The following NKAIN3 variants were observed in gnomAD, a reference collection of about 807,000 sequenced individuals.
NKAIN3 encodes sodium/potassium transporting ATPase interacting 3, also known as sodium/potassium-transporting ATPase subunit beta-1-interacting protein 3.
In NKAIN3, 25 loss-of-function variants were observed where a neutral mutation model predicts 30.2. The observed-to-expected ratio is 0.83, with a 90% CI of 0.60 to 1.16. The LOEUF (loss-of-function observed/expected upper bound fraction) is 1.16. NKAIN3 is among the 50% of genes most tolerant of loss of function. The pLI, the probability that NKAIN3 is intolerant of heterozygous loss-of-function variation, is 0.00. For missense variants in NKAIN3, 225 were observed against 254.1 expected, an observed-to-expected ratio of 0.89 and a Z score of 0.78; for synonymous variants, 91 against 89.6, an observed-to-expected ratio of 1.02 and a Z score of -0.09.
At chr8:62,602,987 G>A (rs1312174534) in intron 3 of NKAIN3, among the ~76,000 whole-genome samples, 2 of 152,144 alleles carry the variant, frequency 1.3e-5, no homozygotes, top group African/African-American at 4.8e-5. Context: ...TTTTGGTGCT[G>A]TGAAGAAACC....
At chr8:62,571,361 G>A (rs931336266) in intron 1 of NKAIN3, among the ~76,000 whole-genome samples, 2 of 151,822 alleles carry the variant, frequency 1.3e-5, no homozygotes, top group African/African-American at 4.8e-5. Flanking sequence ...GAGGTTGGTT[G>A]CCGTGGTCTT....
chr8:62,919,439 G>A (rs1270424453), intron 5 of NKAIN3, among the ~76,000 whole-genome samples: 1 of 151,234 alleles, frequency 6.6e-6, no homozygotes, highest in Admixed American at 6.6e-5. Context: ...TAGAGAAGGG[G>A]TTTCACCGTG....
At position 62,981,430 on chromosome 8, in the gene NKAIN3, C is replaced by T. The variant is rs556368410; in HGVS notation, c.*16023C>T. ...CTCAAAGAAAATTTGGGTGTTAACA[C>T]TTTGAAATACCTTTACCTCCTTTGG... On this transcript the variant is annotated 3_prime_UTR_variant, in exon 7 of 7. Coordinates refer to ENST00000623646, the MANE Select transcript of NKAIN3 (RefSeq NM_001304533.3). 1 of 152,210 alleles carries T rather than the reference C, an allele frequency of 6.6e-6. No homozygotes were observed. Among genetic ancestry groups the T allele is most frequent in the African/African-American group, 2.4e-5 (1 of 41,548 alleles). 9.4% of individuals were successfully genotyped at this position (152,210 alleles called of 1,614,324 possible).
intron 5 of NKAIN3, among the ~76,000 whole-genome samples, chr8:62,993,953 G>C (rs138721458): frequency 6.6e-6 from 1 of 152,106 alleles, no homozygotes; most frequent in Non-Finnish European, 1.5e-5. Flanking sequence ...CTAACTTCAG[G>C]TCACTGGTTT....
At chr8:62,410,041 C>T (rs1235986002) in intron 1 of NKAIN3, among the ~76,000 whole-genome samples, 11 of 152,058 alleles carry the variant, frequency 7.2e-5, no homozygotes, top group African/African-American at 2.7e-4. Flanking sequence ...TACATGGGTA[C>T]ATTGCACTCA....
intron 1 of NKAIN3, among the ~76,000 whole-genome samples, chr8:62,391,181 CA>C (rs1277452609): frequency 1.3e-5 from 2 of 152,130 alleles, no homozygotes; most frequent in Non-Finnish European, 2.9e-5. Flanking sequence ...ATACTATATG[CA>C]AAAAATAACT....
chr8:62,884,407 C>A (rs549360311), intron 4 of NKAIN3, among the ~76,000 whole-genome samples: 1 of 152,062 alleles, frequency 6.6e-6, no homozygotes, highest in Non-Finnish European at 1.5e-5. Context: ...TACAGGCATG[C>A]GCCACCACAC....
chr8:62,788,610 A>G (rs1253349433), intron 4 of NKAIN3, among the ~76,000 whole-genome samples: 1 of 152,112 alleles, frequency 6.6e-6, no homozygotes, highest in Admixed American at 6.6e-5. Context: ...GTCCTTGCCC[A>G]TGCCTATGTC....
intron 4 of NKAIN3, among the ~76,000 whole-genome samples, chr8:62,821,318 C>G (rs1012344531): frequency 4.6e-5 from 7 of 152,118 alleles, no homozygotes; most frequent in Non-Finnish European, 7.4e-5. Context: ...TCCTCTTTCA[C>G]TATATCAAGA....
downstream of NKAIN3, among the ~76,000 whole-genome samples, chr8:62,987,117 T>C (rs1563655969): frequency 6.6e-6 from 1 of 152,180 alleles, no homozygotes; most frequent in Admixed American, 6.5e-5. Flanking sequence ...CTGCGTGTGG[T>C]AGCTCATGCC....
intron 5 of NKAIN3, among the ~76,000 whole-genome samples, chr8:62,945,332 T>C (rs1823091341): frequency 6.6e-6 from 1 of 152,212 alleles, no homozygotes; most frequent in Non-Finnish European, 1.5e-5. Flanking sequence ...ATTTTTAAAC[T>C]ACTACTACTA....
chr8:62,900,689 C>A (rs1216832746), intron 4 of NKAIN3, among the ~76,000 whole-genome samples: 1 of 152,152 alleles, frequency 6.6e-6, no homozygotes, highest in Admixed American at 6.5e-5. Context: ...TATCCATTAT[C>A]TTGATAATCT....
At chr8:62,704,073 A>G (rs1213988377) in intron 3 of NKAIN3, among the ~76,000 whole-genome samples, 2 of 152,116 alleles carry the variant, frequency 1.3e-5, no homozygotes, top group African/African-American at 2.4e-5. Flanking sequence ...TGGTCTCAAA[A>G]TATTTTATTG....
In NKAIN3 at chr8:62,619,605, G is replaced by A. The variant is rs560599552; in HGVS notation, c.273+29811G>A. Among the ~76,000 whole-genome samples, 8 of 151,282 alleles carry A rather than the reference G, an allele frequency of 5.3e-5. No individual in the cohort carries two copies. The East Asian group carries it at 5.9e-4, about 11-fold the overall frequency. On this transcript the variant is annotated intron_variant, in intron 3 of 6. Transcript: ENST00000623646. The stretch of plus-strand genomic sequence containing the variant: ...TATAAAACCAAGCTGTGCCCCTGAC[G>A]ACTTCAGGCATATGTTCTCAGTGTC...
intron 1 of NKAIN3, among the ~76,000 whole-genome samples, chr8:62,301,092 A>G (rs1814033971): frequency 6.6e-6 from 1 of 152,140 alleles, no homozygotes; most frequent in Admixed American, 6.6e-5. Flanking sequence ...TATTAAATGT[A>G]GTAAAAGTAT....
chr8:62,313,372 ATTC>A (rs202137261), intron 1 of NKAIN3, among the ~76,000 whole-genome samples: 5,321 of 152,156 alleles, frequency 0.035, 338 homozygotes, highest in African/African-American at 0.12. Flanking sequence ...TAATATATTC[ATTC>A]TTCTTTCAGA....
At chr8:62,921,788 A>T (rs771628327) in intron 5 of NKAIN3, among the ~76,000 whole-genome samples, 4 of 152,252 alleles carry the variant, frequency 2.6e-5, no homozygotes, top group Admixed American at 6.5e-5. Context: ...GAAATCTGTC[A>T]ACACCTTGTT....
At chr8:62,946,831 CTT>C (rs1234926961) in intron 5 of NKAIN3, among the ~76,000 whole-genome samples, 1 of 152,210 alleles carries the variant, frequency 6.6e-6, no homozygotes, top group African/African-American at 2.4e-5. Context: ...CTTCCTGAGT[CTT>C]TTCTTTTCTC....
chr8:62,354,687 C>A (rs577913184), intron 1 of NKAIN3, among the ~76,000 whole-genome samples: 1 of 152,294 alleles, frequency 6.6e-6, no homozygotes, highest in South Asian at 2.1e-4. Flanking sequence ...AGGTGATCAA[C>A]CTGCCTCGGC....
Sources: gnomAD v4.1 joint callset for allele counts (sites outside exome capture counted in the v4.1 genomes callset) on GRCh38, gnomAD v4.1.1 for gene constraint, MANE v1.5 for transcripts, NCBI Gene and HGNC (gene_info 2026-07-23, HGNC 2026-07-21) for gene names.